Variants in GLRX5 observed in about 807,000 individuals in gnomAD.
The protein encoded by GLRX5 is glutaredoxin-related protein 5, mitochondrial.
Under a neutral mutation model 13.8 loss-of-function variants are expected in GLRX5, and 10 were observed. The ratio of observed to expected loss-of-function variants is 0.72; its 90% CI spans 0.45 to 1.23. The LOEUF is 1.23. Ranked by LOEUF, GLRX5 falls within the 50% of genes most tolerant of loss-of-function variation. GLRX5 has a pLI of 0.00. For missense variants in GLRX5, 233 were observed against 215.2 expected, an observed-to-expected ratio of 1.08 and a Z score of -0.52; for synonymous variants, 98 against 101.1, an observed-to-expected ratio of 0.97 and a Z score of 0.18.
chr14:95,541,546 A>T (rs1891473233), intron 1 of GLRX5, among the ~76,000 whole-genome samples: 1 of 152,238 alleles, frequency 6.6e-6, no homozygotes, highest in Non-Finnish European at 1.5e-5. Flanking sequence ...AAGAACAGGC[A>T]GGTGGCTCAT....
At chr14:95,543,896 A>C in intron 1 of GLRX5, 51 bp from the exon 2 acceptor site, 1 of 1,499,316 alleles carries the variant, frequency 6.7e-7, no homozygotes, top group South Asian at 1.1e-5. Flanking sequence ...TTAGTCATGA[A>C]TGGTTCAGCT....
At chr14:95,542,977 C>T (rs1267417015) in intron 1 of GLRX5, 2 of 447,986 alleles carry the variant, frequency 4.5e-6, no homozygotes, top group East Asian at 1.4e-4. Flanking sequence ...TTACAGTCAT[C>T]ATCCTTGTGG....
chr14:95,537,468 G>A (rs570327459), intron 1 of GLRX5, among the ~76,000 whole-genome samples: 2 of 152,342 alleles, frequency 1.3e-5, no homozygotes, highest in African/African-American at 2.4e-5. Flanking sequence ...GAAAAGTAAA[G>A]ATTAGTAAGT....
rs1376970606 is a variant in GLRX5, at chr14:95,538,650, G to C, written c.295+3266G>C. Among the ~76,000 whole-genome samples, 3 of 152,120 alleles carry C rather than the reference G, an allele frequency of 2.0e-5. No individual in the cohort carries two copies. In the East Asian group the frequency reaches 5.8e-4, roughly 29 times the overall value. On this transcript the variant is annotated intron_variant, in intron 1 of 1. Coordinates refer to ENST00000331334, the MANE Select transcript of GLRX5 (RefSeq NM_016417.3). ...TGAACAGAGCCTAAGACCCAGCTGCGTGACTCCTAGGTATATATTCTAGAG... is the reference window on the plus strand; with the variant it reads ...TGAACAGAGCCTAAGACCCAGCTGCCTGACTCCTAGGTATATATTCTAGAG...
intron 1 of GLRX5, chr14:95,543,374 CGAG>C (rs1049625900): frequency 5.9e-6 from 2 of 337,910 alleles, no homozygotes; most frequent in Admixed American, 7.8e-5. Flanking sequence ...CTCATCATCT[CGAG>C]GAGAAGTGAC....
chr14:95,535,347 G>T lies in GLRX5; in HGVS notation c.258G>T (p.Ala86=), dbSNP rs1301118492. 2 of 1,553,490 alleles carry T rather than the reference G, an allele frequency of 1.3e-6. No individual in the cohort carries two copies. The highest frequency in any genetic ancestry group is 1.7e-6 in the Non-Finnish European group (2 of 1,148,790). ...ILRLHGVRDY[A]AYNVLDDPEL... is the part of the protein sequence containing the mutation. ...GGCTGCACGGCGTCCGCGATTACGC[G>T]GCCTACAACGTGCTGGACGACCCGG... Residue 86 remains alanine (A), a synonymous_variant, in exon 1 of 2, where the codon GCG becomes GCT. Coordinates refer to ENST00000331334, the MANE Select transcript of GLRX5 (RefSeq NM_016417.3).
chr14:95,536,672 G>A (rs1048092136), intron 1 of GLRX5, among the ~76,000 whole-genome samples: 3 of 152,208 alleles, frequency 2.0e-5, no homozygotes. Context: ...TATAGAAAGT[G>A]TGTATTATTT....
intron 1 of GLRX5, among the ~76,000 whole-genome samples, 183 bp downstream of exon 1, chr14:95,535,567 T>C (rs1392502352): frequency 6.6e-6 from 1 of 152,160 alleles, no homozygotes; most frequent in Non-Finnish European, 1.5e-5. Context: ...GCTGAGGGTG[T>C]AGTTGATTTC....
At chr14:95,540,414 G>A (rs563347117) in intron 1 of GLRX5, among the ~76,000 whole-genome samples, 91 of 152,262 alleles carry the variant, frequency 6.0e-4, no homozygotes, top group African/African-American at 2.1e-3. Context: ...GTGAGGCGTA[G>A]AGTATATTCC....
At chr14:95,535,959 A>C (rs1233515912) in intron 1 of GLRX5, among the ~76,000 whole-genome samples, 1 of 152,154 alleles carries the variant, frequency 6.6e-6, no homozygotes, top group Non-Finnish European at 1.5e-5. Context: ...TGCTACAAGC[A>C]AAGGGTTGGG....
chr14:95,535,485 C>G, intron 1 of GLRX5, 101 bp downstream of exon 1: 1 of 1,176,076 alleles, frequency 8.5e-7, no homozygotes, highest in Non-Finnish European at 1.2e-6. Flanking sequence ...GAGCGGGGCT[C>G]CATCCGCCGG....
rs1371604039 is a variant in GLRX5 at position 95,535,132 on chromosome 14, TG to T, written c.48del (p.Arg17AlafsTer33). 3.2e-6 allele frequency: 4 copies of T among 1,242,666 alleles called. No individual in the cohort carries two copies. Among genetic ancestry groups the T allele is most frequent in the South Asian group, 2.7e-5 (1 of 36,684 alleles). 77.0% of individuals were successfully genotyped at this position (1,242,666 alleles called of 1,614,324 possible). Reference protein sequence around the residue: ...LGRAAAALLRWGRGAGGGGLW... With the variant: ...LGRAAAALLRXGRGAGGGGLW... ...CCGAGCTGCGGCGGCTCTGCTCCGC[TG>T]GGGGCGCGGCGCGGGCGGCGGTGGC... On this transcript the variant is annotated frameshift_variant, in exon 1 of 2. Coordinates refer to ENST00000331334, the MANE Select transcript of GLRX5 (RefSeq NM_016417.3). LOFTEE classifies it high-confidence loss of function.
At position 95,535,309 on chromosome 14, in the gene GLRX5, G is replaced by T. The variant is rs759126777; in HGVS notation, c.220G>T (p.Val74Leu). ...QPQCGFSNAVVQILRLHGVRD... is the reference protein window; with the variant it reads ...QPQCGFSNAVLQILRLHGVRD... ...CCAGTGCGGCTTCAGCAACGCCGTG[G>T]TGCAGATCCTGCGGCTGCACGGCGT... Residue 74 changes from valine (V) to leucine (L), a missense_variant, in exon 1 of 2, where the codon GTG (valine) becomes TTG (leucine). By Grantham distance (32) the Val-to-Leu change is conservative (BLOSUM62 1). Coordinates refer to ENST00000331334, the MANE Select transcript of GLRX5 (RefSeq NM_016417.3). 6.4e-7 allele frequency: 1 copy of T among 1,559,724 alleles called. No individual in the cohort carries two copies. Among genetic ancestry groups the T allele is most frequent in the South Asian group, 1.2e-5 (1 of 84,862 alleles).
chr14:95,542,926 A>G (rs777826946), intron 1 of GLRX5: 1 of 415,008 alleles, frequency 2.4e-6, no homozygotes, highest in Non-Finnish European at 5.0e-6. Context: ...GTAATCTTTT[A>G]TGTCTTAAGA....
Position 95,535,469 on chromosome 14 carries a change from G to T in GLRX5, c.295+85G>T, listed in dbSNP as rs917051311. On this transcript the variant is annotated intron_variant, in intron 1 of 1. Transcript: ENST00000331334. ...AGGCCGAGGGGTTCCGCCGCGCCGG[G>T]CTGGGGAGCGGGGCTCCATCCGCCG... The T allele has an allele frequency of 3.0e-6, 4 of 1,338,890 alleles. No homozygotes were observed. In the African/African-American group the frequency reaches 5.8e-5, roughly 19 times the overall value. The allele number at this position is 1,338,890 out of a possible 1,614,324, so 82.9% of individuals were successfully genotyped here.
At chr14:95,535,603 T>C (rs1365347371) in intron 1 of GLRX5, among the ~76,000 whole-genome samples, 3 of 152,238 alleles carry the variant, frequency 2.0e-5, no homozygotes, top group Non-Finnish European at 2.9e-5. Context: ...TCTGGGGCTC[T>C]GTACTGTTGC....
In GLRX5 at chr14:95,535,337, G is replaced by A; in HGVS notation, c.248G>A (p.Arg83His). The A allele has an allele frequency of 6.4e-7, 1 of 1,553,854 alleles. No homozygotes were observed. Among genetic ancestry groups the A allele is most frequent in the Non-Finnish European group, 8.7e-7 (1 of 1,148,980 alleles). Residue 83 changes from arginine (R) to histidine (H), a missense_variant, in exon 1 of 2, where the codon CGC (arginine) becomes CAC (histidine). By Grantham distance (29) the Arg-to-His change is conservative. Coordinates refer to ENST00000331334, the MANE Select transcript of GLRX5 (RefSeq NM_016417.3). Reference protein sequence around the residue: ...VVQILRLHGVRDYAAYNVLDD... With the variant: ...VVQILRLHGVHDYAAYNVLDD... ...CAGATCCTGCGGCTGCACGGCGTCCGCGATTACGCGGCCTACAACGTGCTG... is the reference window on the plus strand; with the variant it reads ...CAGATCCTGCGGCTGCACGGCGTCCACGATTACGCGGCCTACAACGTGCTG...
chr14:95,535,053 G>A lies in GLRX5; in HGVS notation c.-37G>A. ...GGAGCGCTCTGGGTGGCCAGCTGTG[G>A]GCCCGGGCCGTCGTGGGCTCCGGCT... On this transcript the variant is annotated 5_prime_UTR_variant, in exon 1 of 2. Coordinates refer to ENST00000331334, the MANE Select transcript of GLRX5 (RefSeq NM_016417.3). 1 of 1,320,926 alleles carries A rather than the reference G, an allele frequency of 7.6e-7. No homozygotes were observed. The highest frequency in any genetic ancestry group is 9.8e-7 in the Non-Finnish European group (1 of 1,024,130). 81.8% of individuals were successfully genotyped at this position (1,320,926 alleles called of 1,614,324 possible).
intron 1 of GLRX5, among the ~76,000 whole-genome samples, chr14:95,538,662 T>TG (rs1312708813): frequency 1.1e-4 from 17 of 152,206 alleles, no homozygotes; most frequent in African/African-American, 3.9e-4. Flanking sequence ...GACTCCTAGG[T>TG]ATATATTCTA....
Sources: gnomAD v4.1 joint callset for allele counts (sites outside exome capture counted in the v4.1 genomes callset) on GRCh38, gnomAD v4.1.1 for gene constraint, MANE v1.5 for transcripts, NCBI Gene and HGNC (gene_info 2026-07-23, HGNC 2026-07-21) for gene names.